The following PDE12 variants were observed in gnomAD, a reference collection of about 807,000 sequenced individuals.
PDE12 encodes the protein phosphodiesterase 12.
A neutral mutation model predicts 45.4 loss-of-function variants in PDE12; 26 were observed. The observed-to-expected ratio is 0.57, with a 90% CI of 0.42 to 0.79. The LOEUF is 0.79. Among genes scored for constraint, PDE12 ranks in the 30% least tolerant of loss-of-function variants. The probability of loss-of-function intolerance (pLI) is 0.00; values close to 1 mark genes in which losing one functional copy is unlikely to be tolerated. For synonymous variants in PDE12, 283 were observed against 323.9 expected (o/e 0.87, Z 1.36); for missense variants, 668 against 790.0 (o/e 0.85, Z 1.85).
the PDE12 span, among the ~76,000 whole-genome samples, chr3:57,644,107 G>A: frequency 1.8e-3 from 265 of 146,068 alleles, no homozygotes; most frequent in African/African-American, 6.6e-3. Flanking sequence ...CCAAGATGGC[G>A]CCATTGCACT....
At chr3:57,582,126 C>A in the PDE12 span, among the ~76,000 whole-genome samples, 5 of 152,234 alleles carry the variant, frequency 3.3e-5, no homozygotes, top group African/African-American at 1.2e-4. Flanking sequence ...CCAAGAATTT[C>A]GGATAAGGAA....
chr3:57,640,958 T>C, the PDE12 span, among the ~76,000 whole-genome samples: 1 of 151,898 alleles, frequency 6.6e-6, no homozygotes, highest in Non-Finnish European at 1.5e-5. Flanking sequence ...CTTTTCCATA[T>C]GAAAAGACAC....
chr3:57,641,188 TTA>T, the PDE12 span, among the ~76,000 whole-genome samples: 4 of 144,676 alleles, frequency 2.8e-5, no homozygotes, highest in African/African-American at 1.0e-4. Flanking sequence ...AAATATATAT[TTA>T]TATATATTTA....
chr3:57,631,716 CTTTTTTTTTTTT>C, the PDE12 span, among the ~76,000 whole-genome samples: 2 of 92,014 alleles, frequency 2.2e-5, no homozygotes, highest in Non-Finnish European at 4.1e-5. Flanking sequence ...TCTCTGCTCT[CTTTTTTTTTTTT>C]TTTTTTTTTT....
At chr3:57,575,583 C>T in the PDE12 span, 7 of 1,613,204 alleles carry the variant, frequency 4.3e-6, no homozygotes, top group Non-Finnish European at 5.9e-6. Context: ...CCTAGTTTAT[C>T]TGTCATTTCA....
the PDE12 span, among the ~76,000 whole-genome samples, chr3:57,648,742 A>C: frequency 6.6e-6 from 1 of 152,194 alleles, no homozygotes; most frequent in African/African-American, 2.4e-5. Context: ...TCTTCAACAA[A>C]GCAAACAAAA....
At chr3:57,595,900 G>A in the PDE12 span, among the ~76,000 whole-genome samples, 1 of 151,686 alleles carries the variant, frequency 6.6e-6, no homozygotes, top group Non-Finnish European at 1.5e-5. Flanking sequence ...GCAGTGAGCC[G>A]AGATTGCGCC....
At chr3:57,632,113 G>A in the PDE12 span, among the ~76,000 whole-genome samples, 116 of 146,056 alleles carry the variant, frequency 7.9e-4, no homozygotes, top group African/African-American at 2.7e-3. Context: ...TCCGCCTCCC[G>A]GGTTCAAGTG....
rs148742642 is a variant in PDE12 at position 57,560,118 on chromosome 3, C to G, written c.*114C>G. The G allele has an allele frequency of 4.7e-4, 691 of 1,458,494 alleles. 8 individuals carry two copies. In the Admixed American group the frequency reaches 0.018, roughly 38 times the overall value. The allele number at this position is 1,458,494 out of a possible 1,614,324, so 90.3% of individuals were successfully genotyped here. On this transcript the variant is annotated 3_prime_UTR_variant, in exon 3 of 3. Coordinates refer to ENST00000311180, the MANE Select transcript of PDE12 (RefSeq NM_177966.7). ...AAGGAGGAATGGTAAAATGTTCAGC[C>G]CTCCTAGTTATGTTCCTGATGTCTT...
At chr3:57,573,017 G>A in the PDE12 span, among the ~76,000 whole-genome samples, 11 of 151,812 alleles carry the variant, frequency 7.2e-5, no homozygotes, top group Non-Finnish European at 1.2e-4. Flanking sequence ...CCTGGCTAAC[G>A]CAGTGAAACC....
the PDE12 span, among the ~76,000 whole-genome samples, chr3:57,588,954 T>C: frequency 6.6e-6 from 1 of 151,750 alleles, no homozygotes; most frequent in Non-Finnish European, 1.5e-5. Context: ...AATACAAAAT[T>C]AGCTGGGTGT....
the PDE12 span, chr3:57,628,216 A>C: frequency 1.1e-5 from 17 of 1,611,096 alleles, no homozygotes; most frequent in Non-Finnish European, 1.3e-5. Context: ...GGCAAATATC[A>C]TGTCATGCCC....
At chr3:57,655,288 C>T in the PDE12 span, among the ~76,000 whole-genome samples, 1 of 152,180 alleles carries the variant, frequency 6.6e-6, no homozygotes, top group African/African-American at 2.4e-5. Context: ...CCGCCTCGGC[C>T]TCCCAAAGTG....
Position 57,561,598 on chromosome 3 carries a change from AT to A in PDE12, c.*1595del. The A allele has an allele frequency of 2.0e-6, 2 of 985,166 alleles. No individual in the cohort carries two copies. Among genetic ancestry groups the A allele is most frequent in the Non-Finnish European group, 2.4e-6 (2 of 829,778 alleles). 61.0% of individuals were successfully genotyped at this position (985,166 alleles called of 1,614,324 possible). On this transcript the variant is annotated 3_prime_UTR_variant, in exon 3 of 3. Coordinates refer to ENST00000311180, the MANE Select transcript of PDE12 (RefSeq NM_177966.7). ...AGCTGTATTAGCTGTTGCTTTTTTG[AT>A]GTTCAGGATAACTATGTTATCTCAT...
At chr3:57,656,478 A>G in the PDE12 span, among the ~76,000 whole-genome samples, 1 of 152,174 alleles carries the variant, frequency 6.6e-6, no homozygotes, top group Non-Finnish European at 1.5e-5. Context: ...GAATAAAGCT[A>G]CTATATAGAC....
chr3:57,610,839 C>G, the PDE12 span, among the ~76,000 whole-genome samples: 1 of 152,004 alleles, frequency 6.6e-6, no homozygotes, highest in African/African-American at 2.4e-5. Flanking sequence ...CAATGCCATC[C>G]CCATCAAGCT....
chr3:57,561,875 G>A lies in PDE12; in HGVS notation c.*1871G>A. ...GACATTGAACCTTGAAGTACTTTAA[G>A]TACTCCAAGGGGAAAATTAAAGTGG... On this transcript the variant is annotated 3_prime_UTR_variant, in exon 3 of 3. Transcript: ENST00000311180. 2 of 985,284 alleles carry A rather than the reference G, an allele frequency of 2.0e-6. No homozygotes were observed. The highest frequency in any genetic ancestry group is 4.7e-5 in the South Asian group (1 of 21,288). The allele number at this position is 985,284 out of a possible 1,614,324, so 61.0% of individuals were successfully genotyped here.
At chr3:57,574,273 A>G in the PDE12 span, among the ~76,000 whole-genome samples, 30 of 152,022 alleles carry the variant, frequency 2.0e-4, no homozygotes, top group Admixed American at 1.3e-4. Flanking sequence ...TTCATTTTTT[A>G]CCACAGCCAC....
Position 57,560,989 on chromosome 3 carries a change from AT to A in PDE12, c.*990del. ...GAACAAGTAAGGTATTTTCATTCTT[AT>A]TTTTAGGATTTTAGTTTTTAGTGTA... On this transcript the variant is annotated 3_prime_UTR_variant, in exon 3 of 3. Transcript: ENST00000311180. The A allele has an allele frequency of 3.1e-6, 3 of 975,756 alleles. No individual in the cohort carries two copies. Among genetic ancestry groups the A allele is most frequent in the South Asian group, 9.5e-5 (2 of 21,074 alleles). 60.4% of individuals were successfully genotyped at this position (975,756 alleles called of 1,614,324 possible). A position where few individuals can be genotyped will look rare whatever the true frequency, so the allele number is the denominator to read the frequency against.
Sources: gnomAD v4.1 joint callset for allele counts (sites outside exome capture counted in the v4.1 genomes callset) on GRCh38, gnomAD v4.1.1 for gene constraint, MANE v1.5 for transcripts, NCBI Gene and HGNC (gene_info 2026-07-23, HGNC 2026-07-21) for gene names.